The following UGT2B4 variants were observed in gnomAD, a reference collection of about 807,000 sequenced individuals.
The protein encoded by UGT2B4 is UDP-glucuronosyltransferase 2B4.
UGT2B4 carries 49 observed loss-of-function variants against 49.8 expected under a neutral mutation model. The ratio of observed to expected loss-of-function variants is 0.98; its 90% confidence interval spans 0.78 to 1.25. UGT2B4 has a LOEUF of 1.25. Ranked by LOEUF, UGT2B4 falls within the 50% of genes most tolerant of loss-of-function variation. UGT2B4 has a pLI of 0.00. For missense variants in UGT2B4, 729 were observed against 627.7 expected, an observed-to-expected ratio of 1.16 and a Z score of -1.73; for synonymous variants, 246 against 217.7, an observed-to-expected ratio of 1.13 and a Z score of -1.14.
At chr4:69,515,520 G>A (rs1269037856) in intron 1 of UGT2B4, among the ~76,000 whole-genome samples, 2 of 152,068 alleles carry the variant, frequency 1.3e-5, no homozygotes, top group African/African-American at 2.4e-5. Context: ...CAGTGTTAGG[G>A]AAATCTATAG....
At chr4:69,500,811 C>T (rs1251053012), upstream of UGT2B4, among the ~76,000 whole-genome samples, 1 of 152,106 alleles carries the variant, frequency 6.6e-6, no homozygotes, top group Non-Finnish European at 1.5e-5. Flanking sequence ...CTGCAACCCT[C>T]GGGTCAGGAA....
At chr4:69,504,769 T>A (rs1449172526) in intron 1 of UGT2B4, among the ~76,000 whole-genome samples, 1 of 151,806 alleles carries the variant, frequency 6.6e-6, no homozygotes, top group Non-Finnish European at 1.5e-5. Context: ...AGATACTCCA[T>A]GAGAAGATTA....
At chr4:69,513,674 C>T (rs148771976) in intron 1 of UGT2B4, among the ~76,000 whole-genome samples, 187 of 152,260 alleles carry the variant, frequency 1.2e-3, no homozygotes, top group African/African-American at 4.4e-3. Context: ...GGCAATATGG[C>T]CATTTTCAAA....
chr4:69,492,564 G>C (rs969464247), intron 2 of UGT2B4, among the ~76,000 whole-genome samples: 3 of 152,024 alleles, frequency 2.0e-5, no homozygotes, highest in Non-Finnish European at 4.4e-5. Context: ...CTTTGTTAGA[G>C]AATATAATCT....
chr4:69,496,420 G>C (rs996303398), upstream of UGT2B4, among the ~76,000 whole-genome samples: 2 of 152,186 alleles, frequency 1.3e-5, no homozygotes, highest in East Asian at 3.9e-4. Flanking sequence ...GTGTGCATAA[G>C]AGTAGCAGTG....
At chr4:69,496,220 T>A (rs1003108740), upstream of UGT2B4, among the ~76,000 whole-genome samples, 15 of 152,072 alleles carry the variant, frequency 9.9e-5, no homozygotes, top group African/African-American at 3.6e-4. Context: ...AGAGATGGGG[T>A]TTCACTGTAT....
At chr4:69,483,861 T>C (rs1376246264) in intron 5 of UGT2B4, among the ~76,000 whole-genome samples, 1 of 152,092 alleles carries the variant, frequency 6.6e-6, no homozygotes, top group Non-Finnish European at 1.5e-5. Context: ...ATGTAAAATG[T>C]TAGTGCACCA....
At chr4:69,520,317 A>G (rs941069675) in intron 1 of UGT2B4, among the ~76,000 whole-genome samples, 2 of 152,248 alleles carry the variant, frequency 1.3e-5, no homozygotes, top group Non-Finnish European at 2.9e-5. Flanking sequence ...AGCCCGTACG[A>G]CACAGCCACT....
At chr4:69,513,459 C>T (rs185595704) in intron 1 of UGT2B4, among the ~76,000 whole-genome samples, 6 of 152,198 alleles carry the variant, frequency 3.9e-5, no homozygotes, top group South Asian at 4.2e-4. Context: ...GCTCTTGTAC[C>T]AGTACAATGC....
upstream of UGT2B4, among the ~76,000 whole-genome samples, chr4:69,496,912 A>G (rs143452837): frequency 1.3e-5 from 2 of 151,072 alleles, no homozygotes; most frequent in East Asian, 2.0e-4. Context: ...AACTATTCCT[A>G]TAGACTTTGT....
intron 4 of UGT2B4, among the ~76,000 whole-genome samples, chr4:69,486,099 T>A (rs547610795): frequency 6.6e-6 from 1 of 152,082 alleles, no homozygotes; most frequent in African/African-American, 2.4e-5. Flanking sequence ...GAGTGTGATA[T>A]GTAGGGTGTG....
intron 1 of UGT2B4, among the ~76,000 whole-genome samples, chr4:69,511,013 A>G (rs1261414250): frequency 7.8e-6 from 1 of 129,006 alleles, no homozygotes; most frequent in African/African-American, 2.9e-5. Flanking sequence ...TTTTTGAGAC[A>G]GTCTCGCTCT....
At chr4:69,500,195 C>T (rs2642873), upstream of UGT2B4, among the ~76,000 whole-genome samples, 144,968 of 152,204 alleles carry the variant, frequency 0.95, 69,448 homozygotes, top group East Asian at 1. Flanking sequence ...AACTGAACAA[C>T]GAGAACACGT....
chr4:69,500,662 AAAGAAAGG>A (rs1159662504), upstream of UGT2B4, among the ~76,000 whole-genome samples: 25 of 115,380 alleles, frequency 2.2e-4, 1 homozygote, highest in Middle Eastern at 3.9e-3. Context: ...AGAAAGAAAG[AAAGAAAGG>A]AAGGAAAGAA....
chr4:69,503,696 A>C (rs1728401056), intron 1 of UGT2B4, among the ~76,000 whole-genome samples: 1 of 152,166 alleles, frequency 6.6e-6, no homozygotes, highest in African/African-American at 2.4e-5. Context: ...GCTGCCCAGC[A>C]ACCCACCCTA....
chr4:69,509,329 C>T (rs1320032025), intron 1 of UGT2B4, among the ~76,000 whole-genome samples: 2 of 151,966 alleles, frequency 1.3e-5, no homozygotes, highest in South Asian at 2.1e-4. Context: ...ATGCCCCTAC[C>T]GCCTGTCTAA....
At chr4:69,521,316 G>A (rs550005631) in intron 1 of UGT2B4, among the ~76,000 whole-genome samples, 59 of 152,298 alleles carry the variant, frequency 3.9e-4, no homozygotes, top group African/African-American at 1.4e-3. Flanking sequence ...GCTCTTTGGG[G>A]AGCCCAGACC....
chr4:69,513,608 T>G (rs1057477837), intron 1 of UGT2B4, among the ~76,000 whole-genome samples: 2 of 152,180 alleles, frequency 1.3e-5, no homozygotes, highest in Admixed American at 6.5e-5. Context: ...TCTAGTTCTG[T>G]GTACAGTGCA....
chr4:69,511,156 A>G (rs962566401), intron 1 of UGT2B4, among the ~76,000 whole-genome samples: 4 of 151,440 alleles, frequency 2.6e-5, no homozygotes, highest in Admixed American at 2.6e-4. Context: ...CACGCCGGCT[A>G]ATTTTTGTGT....
Sources: allele counts gnomAD v4.1 joint callset (sites outside exome capture counted in the v4.1 genomes callset), GRCh38; gene constraint gnomAD v4.1.1; transcripts MANE v1.5; gene names NCBI Gene and HGNC (gene_info 2026-07-23, HGNC 2026-07-21).